KIAA0825: variants seen among roughly 807,000 people sequenced by gnomAD.
KIAA0825 encodes uncharacterized protein KIAA0825.
KIAA0825 carries 119 observed loss-of-function variants against 147.6 expected under a neutral mutation model. The ratio of observed to expected loss-of-function variants is 0.81; its 90% CI spans 0.69 to 0.94. The LOEUF is 0.94. Among genes scored for constraint, KIAA0825 ranks in the 40% least tolerant of loss-of-function variants. The pLI, the probability that KIAA0825 is intolerant of heterozygous loss-of-function variation, is 0.00. For missense variants in KIAA0825, 1,381 were observed against 1,472.7 expected (o/e 0.94, Z 1.02); for synonymous variants, 470 against 518.1 (o/e 0.91, Z 1.26).
chr5:94,418,394 A>G (rs895732367), intron 14 of KIAA0825, among the ~76,000 whole-genome samples: 1 of 152,014 alleles, frequency 6.6e-6, no homozygotes, highest in African/African-American at 2.4e-5. Flanking sequence ...TTTCTTTTCA[A>G]AACAAGTTAG....
intron 2 of KIAA0825, among the ~76,000 whole-genome samples, chr5:94,538,105 A>T (rs1772462990): frequency 6.6e-6 from 1 of 152,368 alleles, no homozygotes; most frequent in African/African-American, 2.4e-5. Context: ...AATAAATTAA[A>T]TTCCCTGCCC....
intron 20 of KIAA0825, among the ~76,000 whole-genome samples, chr5:94,317,532 G>A (rs984258244): frequency 5.3e-5 from 8 of 151,750 alleles, no homozygotes; most frequent in African/African-American, 1.7e-4. Context: ...CACAACTCCA[G>A]GGCTATAACT....
intron 20 of KIAA0825, among the ~76,000 whole-genome samples, chr5:94,255,704 T>C (rs1387595660): frequency 1.4e-5 from 2 of 139,272 alleles, no homozygotes; most frequent in Non-Finnish European, 3.1e-5. Flanking sequence ...TTCAGAATTA[T>C]GGCTTTTTTT....
intron 8 of KIAA0825, 136 bp from the exon 9 acceptor site, chr5:94,471,867 G>A (rs1761246593): frequency 5.2e-6 from 4 of 775,316 alleles, no homozygotes; most frequent in Non-Finnish European, 8.1e-6. Context: ...TGTAATAATC[G>A]ATTTCTCAGT....
intron 2 of KIAA0825, among the ~76,000 whole-genome samples, chr5:94,556,303 G>A (rs1379259900): frequency 6.6e-6 from 1 of 152,086 alleles, no homozygotes; most frequent in Non-Finnish European, 1.5e-5. Flanking sequence ...TGGTCTGGAA[G>A]TGATCCGCCT....
intron 20 of KIAA0825, among the ~76,000 whole-genome samples, chr5:94,167,290 G>A (rs913825351): frequency 8.5e-5 from 13 of 152,084 alleles, no homozygotes. Flanking sequence ...AATCAACATT[G>A]TTCTTTTTAG....
At chr5:94,614,748 T>C (rs1013556814) in intron 1 of KIAA0825, among the ~76,000 whole-genome samples, 8 of 152,176 alleles carry the variant, frequency 5.3e-5, no homozygotes, top group Non-Finnish European at 7.3e-5. Context: ...TGTTTTGTGT[T>C]CAATGATGTA....
Position 94,389,954 on chromosome 5 carries a change from A to G in KIAA0825, c.3456+1581T>C, listed in dbSNP as rs1749681866. 2.0e-5 allele frequency among the ~76,000 whole-genome samples: 3 copies of G among 152,208 alleles called. No homozygotes were observed. The South Asian group carries it at 6.2e-4, about 31-fold the overall frequency. The stretch of plus-strand genomic sequence containing the variant: ...TATATCCCATCTGATAGACATTACT[A>G]TAACAGTAAATATACTCAGTTGTAA... On this transcript the variant is annotated intron_variant, in intron 18 of 20. Transcript: ENST00000682413.
At chr5:94,369,930 C>A (rs1387247744) in intron 20 of KIAA0825, among the ~76,000 whole-genome samples, 1 of 152,114 alleles carries the variant, frequency 6.6e-6, no homozygotes, top group East Asian at 1.9e-4. Flanking sequence ...ACACAAGAAG[C>A]CATAGTTTCT....
chr5:94,556,247 T>C (rs909154884), intron 2 of KIAA0825, among the ~76,000 whole-genome samples: 1 of 152,000 alleles, frequency 6.6e-6, no homozygotes, highest in Non-Finnish European at 1.5e-5. Flanking sequence ...TTTGGTTTGG[T>C]TTTTTGTATG....
intron 5 of KIAA0825, among the ~76,000 whole-genome samples, chr5:94,512,114 C>T (rs996610348): frequency 3.3e-5 from 5 of 152,064 alleles, no homozygotes; most frequent in Non-Finnish European, 5.9e-5. Flanking sequence ...TAATGTACAT[C>T]TTCAAAGATG....
chr5:94,573,113 A>C, intron 2 of KIAA0825, among the ~76,000 whole-genome samples: 1 of 140,724 alleles, frequency 7.1e-6, no homozygotes, highest in Non-Finnish European at 1.5e-5. Context: ...GGGACAACTC[A>C]AAGCTTGGGG....
At chr5:94,512,499 T>C (rs1253914421) in intron 5 of KIAA0825, among the ~76,000 whole-genome samples, 1 of 151,648 alleles carries the variant, frequency 6.6e-6, no homozygotes, top group Non-Finnish European at 1.5e-5. Context: ...CAGTGCCTCA[T>C]GCCTGTAATC....
intron 3 of KIAA0825, among the ~76,000 whole-genome samples, chr5:94,530,794 A>C (rs1196170127): frequency 6.9e-6 from 1 of 144,322 alleles, no homozygotes; most frequent in Non-Finnish European, 1.5e-5. Flanking sequence ...GAGCTGGGCC[A>C]GGTCTTCACC....
chr5:94,584,029 G>A (rs772293223), intron 1 of KIAA0825, among the ~76,000 whole-genome samples: 5 of 152,154 alleles, frequency 3.3e-5, no homozygotes, highest in Non-Finnish European at 5.9e-5. Flanking sequence ...AACCTCATCC[G>A]TAGGTCACCA....
chr5:94,477,010 A>G, intron 7 of KIAA0825, 101 bp downstream of exon 7: 1 of 838,234 alleles, frequency 1.2e-6, no homozygotes, highest in Non-Finnish European at 1.8e-6. Context: ...ATTTTTTTGT[A>G]GCAAAGGGTA....
intron 5 of KIAA0825, among the ~76,000 whole-genome samples, chr5:94,504,148 C>G (rs1765421746): frequency 6.6e-6 from 1 of 152,186 alleles, no homozygotes; most frequent in South Asian, 2.1e-4. Flanking sequence ...TCGCATTTCT[C>G]CATGTTTTTT....
chr5:94,543,901 C>T (rs1773834117), intron 2 of KIAA0825, among the ~76,000 whole-genome samples: 1 of 152,176 alleles, frequency 6.6e-6, no homozygotes, highest in African/African-American at 2.4e-5. Flanking sequence ...CCTATATGGT[C>T]TAGAAAGGGA....
At chr5:94,538,254 G>C (rs1370598468) in intron 2 of KIAA0825, among the ~76,000 whole-genome samples, 1 of 152,214 alleles carries the variant, frequency 6.6e-6, no homozygotes, top group African/African-American at 2.4e-5. Context: ...GAGTGATGGA[G>C]CAAGGACAGA....
Sources: gnomAD v4.1 joint callset for allele counts (sites outside exome capture counted in the v4.1 genomes callset) on GRCh38, gnomAD v4.1.1 for gene constraint, MANE v1.5 for transcripts, NCBI Gene and HGNC (gene_info 2026-07-23, HGNC 2026-07-21) for gene names.